The following ITGA7 variants were observed in gnomAD, a reference collection of about 807,000 sequenced individuals.
The protein encoded by ITGA7 is integrin subunit alpha 7.
ITGA7 carries 84 observed loss-of-function variants against 131.6 expected under a neutral mutation model. That is an observed-to-expected ratio of 0.64 (90% CI 0.54 to 0.77). The LOEUF is 0.77. Among genes scored for constraint, ITGA7 ranks in the 30% least tolerant of loss-of-function variants. The probability of loss-of-function intolerance (pLI) is 0.00; values close to 1 mark genes in which losing one functional copy is unlikely to be tolerated. For missense variants in ITGA7, 1,399 were observed against 1,482.9 expected (o/e 0.94, Z 0.93); for synonymous variants, 548 against 600.7 (o/e 0.91, Z 1.28).
At chr12:55,708,313 T>C (rs1469739401), upstream of ITGA7, among the ~76,000 whole-genome samples, 2 of 152,174 alleles carry the variant, frequency 1.3e-5, no homozygotes, top group African/African-American at 4.8e-5. Context: ...GGAGCCGTCC[T>C]GGGCCTGGGT....
chr12:55,697,149 A>C (rs369819618), intron 11 of ITGA7, 67 bp downstream of exon 11: 1 of 1,574,666 alleles, frequency 6.4e-7, no homozygotes, highest in South Asian at 1.2e-5. Flanking sequence ...CTCTTCTACC[A>C]CCTCGAAGTG....
At position 55,685,091 on chromosome 12, in the gene ITGA7, G is replaced by A; in HGVS notation, c.3381C>T (p.Gly1127=). Residue 1127 remains glycine (G), a synonymous_variant, in exon 25 of 25, where the codon GGC becomes GGT. Coordinates refer to ENST00000257879, the MANE Select transcript of ITGA7 (RefSeq NM_002206.3). The stretch of plus-strand genomic sequence containing the variant: ...TGCCTGGCCCTGGATGCCCATCGGG[G>A]CCCAGCTCGGGATGCCCGTCAGCAG... ...ILAADGHPEL[G]PDGHPGPGTA The A allele has an allele frequency of 4.4e-6, 7 of 1,603,926 alleles. No individual in the cohort carries two copies. The highest frequency in any genetic ancestry group is 5.9e-6 in the Non-Finnish European group (7 of 1,176,710).
chr12:55,686,335 C>G, intron 24 of ITGA7: 1 of 1,286,372 alleles, frequency 7.8e-7, no homozygotes, highest in South Asian at 1.2e-5. Context: ...GAGGGAGAAG[C>G]AGGGCAGAGG....
intron 14 of ITGA7, 129 bp from the exon 15 acceptor site, chr12:55,695,099 C>A: frequency 3.4e-6 from 3 of 877,010 alleles, no homozygotes; most frequent in Non-Finnish European, 3.6e-6. Context: ...CCCCATCACA[C>A]CCGTCCAAGC....
intron 13 of ITGA7, among the ~76,000 whole-genome samples, chr12:55,695,845 C>T (rs1872528853): frequency 6.6e-6 from 1 of 151,970 alleles, no homozygotes; most frequent in Non-Finnish European, 1.5e-5. Flanking sequence ...ACTACCATGC[C>T]ATGGTAGAGA....
In ITGA7 at chr12:55,703,031, C is replaced by T; in HGVS notation, c.334+20G>A. Reference sequence around the variant, plus strand: ...TCCCCGCTCACACGCTTCCCCCACTCTGTTCATGCAGGGCCACACCTCCCT... The same window carrying T: ...TCCCCGCTCACACGCTTCCCCCACTTTGTTCATGCAGGGCCACACCTCCCT... On this transcript the variant is annotated intron_variant, in intron 2 of 24. Transcript: ENST00000257879. The T allele has an allele frequency of 1.2e-6, 2 of 1,614,046 alleles. No individual in the cohort carries two copies. Among genetic ancestry groups the T allele is most frequent in the South Asian group, 2.2e-5 (2 of 91,082 alleles).
At chr12:55,712,674 G>A (rs937134064), upstream of ITGA7, among the ~76,000 whole-genome samples, 1 of 152,222 alleles carries the variant, frequency 6.6e-6, no homozygotes. Context: ...TATGCGACTT[G>A]TGTCCATCTC....
chr12:55,712,207 C>T (rs540596415), upstream of ITGA7: 70 of 1,551,340 alleles, frequency 4.5e-5, no homozygotes, highest in African/African-American at 3.7e-4. Context: ...CGGTCTTTGA[C>T]GATCCAAAAG....
rs756311959 is a variant in ITGA7 at position 55,696,373 on chromosome 12, G to A, written c.1797C>T (p.Thr599=). ...IVVTLSYSLQ[T]PRLRRQAPGQ... ...CAGGAGCCTGTCGCCGGAGCCGAGG[G>A]GTCTGGAGACTGTAGGACAAGGTCA... is the stretch of plus-strand genomic sequence containing the variant. The change falls in exon 13 of 25, where the codon ACC becomes ACT. Residue 599 remains threonine (T), a synonymous_variant. Coordinates refer to ENST00000257879, the MANE Select transcript of ITGA7 (RefSeq NM_002206.3). 5 of 1,596,704 alleles carry A rather than the reference G, an allele frequency of 3.1e-6. No homozygotes were observed. Among genetic ancestry groups the A allele is most frequent in the East Asian group, 4.5e-5 (2 of 44,468 alleles).
chr12:55,707,854 C>G lies in ITGA7; in HGVS notation c.-172G>C. ...CCCGCCCGCCGCTCCGCCACCCCGC[C>G]GCCCCAGCACCGGCTAGGACAACTA... On this transcript the variant is annotated 5_prime_UTR_variant, in exon 1 of 25. Transcript: ENST00000257879. The G allele has an allele frequency of 7.5e-6, 11 of 1,465,984 alleles. No individual in the cohort carries two copies. In the South Asian group the frequency reaches 1.5e-4, roughly 20 times the overall value. The allele number at this position is 1,465,984 out of a possible 1,614,324, so 90.8% of individuals were successfully genotyped here. A position where few individuals can be genotyped will look rare whatever the true frequency, so the allele number is the denominator to read the frequency against.
chr12:55,685,616 C>T (rs1869934966), intron 24 of ITGA7, among the ~76,000 whole-genome samples: 1 of 152,126 alleles, frequency 6.6e-6, no homozygotes, highest in Admixed American at 6.5e-5. Flanking sequence ...CTTAAGAGAC[C>T]CAATAGTGTC....
At position 55,694,544 on chromosome 12, in the gene ITGA7, A is replaced by G; in HGVS notation, c.2278-22T>C. On this transcript the variant is annotated intron_variant, in intron 16 of 24. Coordinates refer to ENST00000257879, the MANE Select transcript of ITGA7 (RefSeq NM_002206.3). The surrounding 1 kb of genome is among the most constrained non-coding windows in gnomAD (Gnocchi z 5.3). ...TGACCTAGGCCAAGGGTGGAAAGAG[A>G]TTAGAGTCAGGGGTGGTCTACGGGC... The G allele has an allele frequency of 6.2e-7, 1 of 1,613,882 alleles. No homozygotes were observed. Among genetic ancestry groups the G allele is most frequent in the Non-Finnish European group, 8.5e-7 (1 of 1,179,754 alleles).
intron 3 of ITGA7, among the ~76,000 whole-genome samples, chr12:55,701,915 A>T (rs1874102029): frequency 6.6e-6 from 1 of 152,178 alleles, no homozygotes. Flanking sequence ...CATGAACCAG[A>T]TTCTGCCCCA....
intron 7 of ITGA7, 55 bp from the exon 8 acceptor site, chr12:55,698,081 T>A (rs1873057054): frequency 6.6e-7 from 1 of 1,523,256 alleles, no homozygotes; most frequent in Non-Finnish European, 9.1e-7. Context: ...GCAGACAAGA[T>A]CCAGGCCTCA....
intron 4 of ITGA7, 155 bp downstream of exon 4, chr12:55,700,744 G>T: frequency 1.0e-6 from 1 of 952,748 alleles, no homozygotes; most frequent in South Asian, 1.6e-5. Flanking sequence ...CCATTCATGT[G>T]TGCACTAGCT....
rs943636312 is a variant in ITGA7 at position 55,685,076 on chromosome 12, T to G, written c.3396A>C (p.Pro1132=). Residue 1132 remains proline, a synonymous_variant, in exon 25 of 25, where the codon CCA becomes CCC. Coordinates refer to ENST00000257879, the MANE Select transcript of ITGA7 (RefSeq NM_002206.3). ...TGGGAACCTAGGCGGTGCCTGGCCC[T>G]GGATGCCCATCGGGGCCCAGCTCGG... ...GHPELGPDGH[P]GPGTA 1 of 1,595,236 alleles carries G rather than the reference T, an allele frequency of 6.3e-7. No individual in the cohort carries two copies. Among genetic ancestry groups the G allele is most frequent in the Admixed American group, 1.7e-5 (1 of 59,452 alleles).
chr12:55,702,028 G>A lies in ITGA7; in HGVS notation c.414+844C>T, dbSNP rs1038346904. On this transcript the variant is annotated intron_variant, in intron 3 of 24. Coordinates refer to ENST00000257879, the MANE Select transcript of ITGA7 (RefSeq NM_002206.3). ...GTTTTTTCGTTTGTTTGTTTGGTTG[G>A]TTTTGAGACGGAACTTTGCTCTTGT... Among the ~76,000 whole-genome samples the A allele has an allele frequency of 2.0e-5, 3 of 152,036 alleles. No individual in the cohort carries two copies. In the South Asian group the frequency reaches 6.2e-4, roughly 32 times the overall value.
chr12:55,690,173 A>C (rs1025794537), intron 21 of ITGA7, among the ~76,000 whole-genome samples: 62 of 152,346 alleles, frequency 4.1e-4, no homozygotes, highest in African/African-American at 1.3e-3. Context: ...CTATCATCGG[A>C]GTGAACAGGC....
intron 4 of ITGA7, 40 bp downstream of exon 4, chr12:55,700,859 G>T (rs765044744): frequency 6.2e-7 from 1 of 1,613,914 alleles, no homozygotes; most frequent in South Asian, 1.1e-5. Context: ...GGTAAGAGGA[G>T]GTTTTGGTCC....
Sources: gnomAD v4.1 joint callset for allele counts (sites outside exome capture counted in the v4.1 genomes callset) on GRCh38, gnomAD v4.1.1 for gene constraint, Gnocchi (gnomAD v3.1) non-coding constraint, MANE v1.5 for transcripts, NCBI Gene and HGNC (gene_info 2026-07-23, HGNC 2026-07-21) for gene names.